SLC22A16: variants seen among roughly 807,000 people sequenced by gnomAD.
The protein encoded by SLC22A16 is WUGSC:RG331P03.1.
A neutral mutation model predicts 52.9 loss-of-function variants in SLC22A16; 53 were observed. The ratio of observed to expected loss-of-function variants is 1.00; its 90% CI spans 0.80 to 1.26. The LOEUF (loss-of-function observed/expected upper bound fraction) is 1.26. SLC22A16 is among the 50% of genes most tolerant of loss of function. The pLI, the probability that SLC22A16 is intolerant of heterozygous loss-of-function variation, is 0.00. For missense variants in SLC22A16, 726 were observed against 704.0 expected, an observed-to-expected ratio of 1.03 and a Z score of -0.35; for synonymous variants, 291 against 268.8, an observed-to-expected ratio of 1.08 and a Z score of -0.81.
intron 1 of SLC22A16, among the ~76,000 whole-genome samples, chr6:110,471,553 C>T (rs1391461377): frequency 2.0e-5 from 3 of 152,206 alleles, no homozygotes; most frequent in Non-Finnish European, 2.9e-5. Context: ...CTGTGAAAAT[C>T]GACTAACCTC....
chr6:110,459,785 AAAAAT>A (rs1164401440), intron 1 of SLC22A16, among the ~76,000 whole-genome samples: 1 of 152,216 alleles, frequency 6.6e-6, no homozygotes, highest in African/African-American at 2.4e-5. Flanking sequence ...AAAATTATCA[AAAAAT>A]AAAAAGTTTA....
At chr6:110,444,792 C>T (rs1433762879) in intron 3 of SLC22A16, among the ~76,000 whole-genome samples, 1 of 152,192 alleles carries the variant, frequency 6.6e-6, no homozygotes, top group Non-Finnish European at 1.5e-5. Flanking sequence ...AGACTCAGAT[C>T]ATCGGGACCC....
chr6:110,437,481 T>G (rs947922838), intron 5 of SLC22A16, among the ~76,000 whole-genome samples: 3 of 152,214 alleles, frequency 2.0e-5, no homozygotes, highest in Non-Finnish European at 2.9e-5. Flanking sequence ...CAATTAGTTG[T>G]GTATCAATCA....
chr6:110,458,496 C>T (rs1472803699), intron 1 of SLC22A16, among the ~76,000 whole-genome samples: 1 of 152,168 alleles, frequency 6.6e-6, no homozygotes, highest in Non-Finnish European at 1.5e-5. Context: ...ATTTGAGCAA[C>T]AAAATAAATG....
intron 2 of SLC22A16, among the ~76,000 whole-genome samples, chr6:110,454,716 TTA>T (rs71018391): frequency 2.7e-5 from 2 of 74,320 alleles, no homozygotes; most frequent in Non-Finnish European, 4.6e-5. Context: ...TATATATATT[TTA>T]TATATATTAT....
chr6:110,463,514 T>TAAAAAAAAAAAAAAAAAAAAAA (rs386408237), intron 1 of SLC22A16, among the ~76,000 whole-genome samples: 6 of 53,266 alleles, frequency 1.1e-4, no homozygotes, highest in Middle Eastern at 0.025. Flanking sequence ...GTAACAACAG[T>TAAAAAAAAAAAAAAAAAAAAAA]AAAAAAAAAA....
intron 6 of SLC22A16, among the ~76,000 whole-genome samples, chr6:110,433,209 A>G (rs1286690986): frequency 6.6e-6 from 1 of 152,188 alleles, no homozygotes; most frequent in Non-Finnish European, 1.5e-5. Context: ...TTCCTCTGCT[A>G]TTCTATACCC....
intron 4 of SLC22A16, 101 bp downstream of exon 4, chr6:110,442,143 A>G: frequency 1.7e-6 from 2 of 1,208,444 alleles, no homozygotes; most frequent in Non-Finnish European, 2.3e-6. Flanking sequence ...GGGCCTATTA[A>G]AAACATTCTT....
intron 4 of SLC22A16, among the ~76,000 whole-genome samples, chr6:110,440,496 G>A (rs902757898): frequency 1.3e-5 from 2 of 152,190 alleles, no homozygotes; most frequent in Non-Finnish European, 1.5e-5. Context: ...GGTCATGGAC[G>A]GCGGGGTGCT....
At chr6:110,425,580 A>G (rs563463592) in intron 7 of SLC22A16, among the ~76,000 whole-genome samples, 3 of 152,350 alleles carry the variant, frequency 2.0e-5, no homozygotes, top group African/African-American at 7.2e-5. Flanking sequence ...ACAGGTTTCA[A>G]TCAACCAGAA....
At chr6:110,476,179 C>T in intron 1 of SLC22A16, 2 of 498,848 alleles carry the variant, frequency 4.0e-6, no homozygotes, top group Middle Eastern at 6.8e-4. Context: ...ACAGGCACCC[C>T]CTACGAGTGA....
intron 1 of SLC22A16, among the ~76,000 whole-genome samples, chr6:110,467,910 T>G (rs1776126790): frequency 1.3e-5 from 2 of 152,360 alleles, no homozygotes; most frequent in South Asian, 4.1e-4. Flanking sequence ...ACACCCCACT[T>G]TGGAGACTAT....
chr6:110,456,190 C>T, intron 2 of SLC22A16: 1 of 239,612 alleles, frequency 4.2e-6, no homozygotes, highest in South Asian at 7.6e-5. Context: ...ATTATATGTC[C>T]AGGGTACTTT....
intron 1 of SLC22A16, among the ~76,000 whole-genome samples, chr6:110,460,773 C>A (rs1490732611): frequency 2.6e-5 from 4 of 152,186 alleles, no homozygotes; most frequent in African/African-American, 9.6e-5. Context: ...ACATACCCCA[C>A]AACCACTCTG....
chr6:110,436,657 C>A (rs2114915006), intron 5 of SLC22A16, among the ~76,000 whole-genome samples: 1 of 152,172 alleles, frequency 6.6e-6, no homozygotes, highest in Non-Finnish European at 1.5e-5. Flanking sequence ...TTAAAAAAAA[C>A]AAACAAAACA....
Position 110,456,849 on chromosome 6 carries a change from G to A in SLC22A16, c.222C>T (p.Thr74=), listed in dbSNP as rs538642389. Residue 74 remains threonine, a synonymous_variant, in exon 2 of 8, where the codon ACC becomes ACT. Coordinates refer to ENST00000368919, the MANE Select transcript of SLC22A16 (RefSeq NM_033125.4). ...TCTGGCCTGAAGACAACAGGGCCCCGGTGTCCTCCAAACTCCAATTAGAGT... is the reference window on the plus strand; with the variant it reads ...TCTGGCCTGAAGACAACAGGGCCCCAGTGTCCTCCAAACTCCAATTAGAGT... ...HNHSNWSLED[T]GALLSSGQKD... 4.4e-5 allele frequency: 71 copies of A among 1,614,032 alleles called. No homozygotes were observed. The Middle Eastern group carries it at 6.6e-4, about 15-fold the overall frequency.
At chr6:110,427,049 T>C (rs2878101) in intron 7 of SLC22A16, among the ~76,000 whole-genome samples, 50,322 of 150,430 alleles carry the variant, frequency 0.33, 8,616 homozygotes, top group East Asian at 0.41. Context: ...GTCAGGAGTT[T>C]GAGACCAGCC....
intron 1 of SLC22A16, among the ~76,000 whole-genome samples, chr6:110,461,518 C>T (rs931350876): frequency 2.6e-5 from 4 of 152,142 alleles, no homozygotes; most frequent in African/African-American, 9.7e-5. Context: ...CCTCAAGCGT[C>T]ACTTACTGGA....
chr6:110,433,767 T>C (rs996876695), intron 6 of SLC22A16, among the ~76,000 whole-genome samples: 2 of 152,160 alleles, frequency 1.3e-5, no homozygotes, highest in South Asian at 4.1e-4. Flanking sequence ...AAAACTTCCA[T>C]TGATAAAGCA....
Sources: gnomAD v4.1 joint callset for allele counts (sites outside exome capture counted in the v4.1 genomes callset) on GRCh38, gnomAD v4.1.1 for gene constraint, MANE v1.5 for transcripts, NCBI Gene and HGNC (gene_info 2026-07-23, HGNC 2026-07-21) for gene names.